CAPZB: variants seen among roughly 807,000 people sequenced by gnomAD.
CAPZB encodes the protein F-actin-capping protein subunit beta.
CAPZB carries 2 observed loss-of-function variants against 38.1 expected under a neutral mutation model. That is an observed-to-expected ratio of 0.05 (90% CI 0.02 to 0.17). The LOEUF is 0.17. Ranked by LOEUF, CAPZB falls within the 10% of genes least tolerant of loss-of-function variation. CAPZB has a pLI of 1.00. For synonymous variants in CAPZB, 107 were observed against 127.4 expected, an observed-to-expected ratio of 0.84 and a Z score of 1.08; for missense variants, 161 against 334.2, an observed-to-expected ratio of 0.48 and a Z score of 4.04.
intron 1 of CAPZB, among the ~76,000 whole-genome samples, chr1:19,436,965 C>G (rs2094460149): frequency 6.6e-6 from 1 of 152,190 alleles, no homozygotes; most frequent in Non-Finnish European, 1.5e-5. Flanking sequence ...CCTGTGGAGC[C>G]TGGATGGTTC....
chr1:19,481,742 C>A (rs2094629487), intron 1 of CAPZB, among the ~76,000 whole-genome samples: 1 of 152,218 alleles, frequency 6.6e-6, no homozygotes, highest in African/African-American at 2.4e-5. Flanking sequence ...AGAAGACACA[C>A]CCCAAAAGGC....
At chr1:19,363,779 A>T (rs779369919) in intron 4 of CAPZB, among the ~76,000 whole-genome samples, 3 of 152,174 alleles carry the variant, frequency 2.0e-5, no homozygotes, top group Non-Finnish European at 2.9e-5. Context: ...GGAGGGGAAG[A>T]AGGGGCTTTG....
intron 1 of CAPZB, among the ~76,000 whole-genome samples, chr1:19,441,015 G>A (rs1435230981): frequency 2.0e-5 from 3 of 152,264 alleles, no homozygotes; most frequent in East Asian, 1.9e-4. Context: ...AGCTGAGATC[G>A]TGCCACTGCA....
chr1:19,444,579 G>A (rs771516230), intron 1 of CAPZB, among the ~76,000 whole-genome samples: 5 of 152,112 alleles, frequency 3.3e-5, no homozygotes, highest in Non-Finnish European at 5.9e-5. Context: ...CCCAGGCCCT[G>A]GCCTGGCTGT....
chr1:19,343,087 C>T (rs1178725719), intron 8 of CAPZB, among the ~76,000 whole-genome samples: 6 of 152,178 alleles, frequency 3.9e-5, no homozygotes, highest in East Asian at 3.9e-4. Flanking sequence ...GCAGGCTCTT[C>T]GGCTTCTCTC....
chr1:19,405,351 C>A (rs1305898809), intron 2 of CAPZB, among the ~76,000 whole-genome samples: 2 of 152,086 alleles, frequency 1.3e-5, no homozygotes, highest in East Asian at 3.9e-4. Flanking sequence ...AGTTACAGCA[C>A]ACAGCAGTGC....
Position 19,418,136 on chromosome 1 carries a change from C to CAAA in CAPZB, c.93+1522_93+1524dup, listed in dbSNP as rs59390448. On this transcript the variant is annotated intron_variant, in intron 2 of 8. Transcript: ENST00000264202. ...GGGTGACAGAATGAGACTCTGTCAC[C>CAAA]AAAAAAAAAAAAAAAAAAAAAAAAA... Among the ~76,000 whole-genome samples the CAAA allele has an allele frequency of 3.4e-3, 119 of 35,322 alleles. 10 individuals carry two copies. Among genetic ancestry groups the CAAA allele is most frequent in the African/African-American group, 7.6e-3 (74 of 9,682 alleles). The allele number at this position is 35,322 out of a possible 152,430, so 23.2% of individuals were successfully genotyped here. A position where few individuals can be genotyped will look rare whatever the true frequency, so the allele number is the denominator to read the frequency against.
intron 2 of CAPZB, among the ~76,000 whole-genome samples, chr1:19,401,185 A>G (rs1168226328): frequency 6.6e-6 from 1 of 151,006 alleles, no homozygotes; most frequent in Non-Finnish European, 1.5e-5. Flanking sequence ...TTTCCTACAC[A>G]TAGGCAGAAT....
intron 1 of CAPZB, among the ~76,000 whole-genome samples, chr1:19,465,868 A>G (rs368793198): frequency 6.6e-6 from 1 of 152,170 alleles, no homozygotes; most frequent in African/African-American, 2.4e-5. Flanking sequence ...ATTAACAGTG[A>G]TAAGACCAAC....
rs189573937 is a variant in CAPZB at position 19,477,629 on chromosome 1, T to C, written c.3+7807A>G. 5.6e-3 allele frequency among the ~76,000 whole-genome samples: 854 copies of C among 152,306 alleles called. 6 individuals carry two copies. Among genetic ancestry groups the C allele is most frequent in the Admixed American group, 7.8e-3 (120 of 15,300 alleles). ...GGAGAAGCCTTCAGCAGCAACACTC[T>C]ACCTGCCAATCACTGCTGCAACTGA... On this transcript the variant is annotated intron_variant, in intron 1 of 8. Transcript: ENST00000264202.
chr1:19,399,740 TA>T lies in CAPZB; in HGVS notation c.94-14115del, dbSNP rs963391746. On this transcript the variant is annotated intron_variant, in intron 2 of 8. Coordinates refer to ENST00000264202, the MANE Select transcript of CAPZB (RefSeq NM_004930.5). ...TTTATTCAAGTTCTAAGATTTTGCT[TA>T]AAAAAAGGGCTGTACCAATTTTCCA... Among the ~76,000 whole-genome samples, 5 of 152,100 alleles carry T rather than the reference TA, an allele frequency of 3.3e-5. No homozygotes were observed. The East Asian group carries it at 5.8e-4, about 18-fold the overall frequency.
intron 4 of CAPZB, among the ~76,000 whole-genome samples, chr1:19,369,373 G>A (rs1283893183): frequency 6.6e-6 from 1 of 152,250 alleles, no homozygotes; most frequent in Non-Finnish European, 1.5e-5. Flanking sequence ...CTCCAAAGCT[G>A]TGAGGTTTCT....
chr1:19,457,487 G>C (rs2094536617), intron 1 of CAPZB, among the ~76,000 whole-genome samples: 1 of 152,166 alleles, frequency 6.6e-6, no homozygotes, highest in Non-Finnish European at 1.5e-5. Context: ...CTCTAATTTG[G>C]TACAAGCATA....
intron 1 of CAPZB, chr1:19,419,965 G>T: frequency 1.9e-6 from 1 of 517,342 alleles, no homozygotes; most frequent in Non-Finnish European, 3.4e-6. Context: ...TCAAGTGGGG[G>T]CATCCAAAAG....
At chr1:19,352,675 C>T (rs544327050) in intron 6 of CAPZB, among the ~76,000 whole-genome samples, 5 of 152,386 alleles carry the variant, frequency 3.3e-5, no homozygotes, top group South Asian at 2.1e-4. Context: ...ATGATCCGGC[C>T]GGCCTGCGGC....
At chr1:19,469,156 C>T (rs971432559) in intron 1 of CAPZB, among the ~76,000 whole-genome samples, 2 of 152,064 alleles carry the variant, frequency 1.3e-5, no homozygotes, top group African/African-American at 4.8e-5. Flanking sequence ...GCGGTGAAGA[C>T]GGGATAGGGC....
chr1:19,447,503 G>A (rs535078609), intron 1 of CAPZB, among the ~76,000 whole-genome samples: 2 of 151,608 alleles, frequency 1.3e-5, no homozygotes, highest in East Asian at 3.9e-4. Context: ...CTAAAGTGCT[G>A]GGATTATAGG....
chr1:19,340,309 C>T (rs2093920909), intron 8 of CAPZB, among the ~76,000 whole-genome samples: 1 of 152,216 alleles, frequency 6.6e-6, no homozygotes, highest in South Asian at 2.1e-4. Context: ...GAAAACCCCT[C>T]AGCCCGGATT....
intron 4 of CAPZB, among the ~76,000 whole-genome samples, chr1:19,369,753 G>A (rs2094110148): frequency 6.6e-6 from 1 of 152,222 alleles, no homozygotes; most frequent in South Asian, 2.1e-4. Context: ...AAGGGACAGG[G>A]AGTGAAGGGG....
Sources: gnomAD v4.1 joint callset for allele counts (sites outside exome capture counted in the v4.1 genomes callset) on GRCh38, gnomAD v4.1.1 for gene constraint, MANE v1.5 for transcripts, NCBI Gene and HGNC (gene_info 2026-07-23, HGNC 2026-07-21) for gene names.